The following CAMSAP1 variants were observed in gnomAD, a reference collection of about 807,000 sequenced individuals.
The protein encoded by CAMSAP1 is calmodulin regulated spectrin associated protein 1, also known as calmodulin-regulated spectrin-associated protein 1.
Under a neutral mutation model 143.5 loss-of-function variants are expected in CAMSAP1, and 58 were observed. The observed-to-expected ratio is 0.40, with a 90% confidence interval of 0.33 to 0.50. CAMSAP1 has a LOEUF of 0.50. Among genes scored for constraint, CAMSAP1 ranks in the 20% least tolerant of loss-of-function variants. The pLI is 0.45. For synonymous variants in CAMSAP1, 945 were observed against 859.3 expected, an observed-to-expected ratio of 1.10 and a Z score of -1.74; for missense variants, 1,969 against 2,115.7, an observed-to-expected ratio of 0.93 and a Z score of 1.36.
At chr9:135,877,135 T>G (rs1254982385) in intron 3 of CAMSAP1, among the ~76,000 whole-genome samples, 1 of 152,126 alleles carries the variant, frequency 6.6e-6, no homozygotes, top group Non-Finnish European at 1.5e-5. Context: ...CCATGGTATA[T>G]GCACACGATG....
intron 5 of CAMSAP1, among the ~76,000 whole-genome samples, chr9:135,850,884 C>T (rs965343851): frequency 1.3e-5 from 2 of 152,222 alleles, no homozygotes; most frequent in African/African-American, 4.8e-5. Flanking sequence ...ATGAATAAAA[C>T]GTAAAGCATC....
Position 135,818,340 on chromosome 9 carries a change from A to G in CAMSAP1, c.4168+68T>C. ...CACTCTTGATGACAAAATTGAAATG[A>G]GCTGAAGAACGTGAGGCCGCCGCCC... is the stretch of plus-strand genomic sequence containing the variant. On this transcript the variant is annotated intron_variant, in intron 13 of 16. Coordinates refer to ENST00000389532, the MANE Select transcript of CAMSAP1 (RefSeq NM_015447.4). This position sits in a 1 kb window ranked among gnomAD's most constrained non-coding sequence, Gnocchi z 7.7. 6.8e-7 allele frequency: 1 copy of G among 1,461,648 alleles called. No homozygotes were observed. The highest frequency in any genetic ancestry group is 9.1e-7 in the Non-Finnish European group (1 of 1,092,984). 90.5% of individuals were successfully genotyped at this position (1,461,648 alleles called of 1,614,324 possible).
chr9:135,871,026 T>C (rs984287873), intron 3 of CAMSAP1, among the ~76,000 whole-genome samples: 1 of 152,218 alleles, frequency 6.6e-6, no homozygotes, highest in Admixed American at 6.5e-5. Context: ...CTATCCCCTC[T>C]TCCAATTATA....
At chr9:135,859,438 G>A (rs1837096585) in intron 5 of CAMSAP1, among the ~76,000 whole-genome samples, 1 of 152,126 alleles carries the variant, frequency 6.6e-6, no homozygotes, top group Non-Finnish European at 1.5e-5. Context: ...TGTCACCCAG[G>A]CTGGAGTGCA....
In CAMSAP1 at chr9:135,821,162, C is replaced by A; in HGVS notation, c.3499G>T (p.Asp1167Tyr). 6.2e-7 allele frequency: 1 copy of A among 1,611,634 alleles called. No individual in the cohort carries two copies. Among genetic ancestry groups the A allele is most frequent in the Non-Finnish European group, 8.5e-7 (1 of 1,179,888 alleles). The stretch of plus-strand genomic sequence containing the variant: ...CTTTCATCATGGAGCCTGTAACTGT[C>A]GAAGAGACACTTCCCATGTGGGTCA... ...SGDPHGKCLF[D>Y]SYRLHDESNQ... Residue 1167 changes from aspartate (D) to tyrosine (Y), a missense_variant, in exon 11 of 17, where the codon GAC becomes TAC. By Grantham distance (160) the Asp-to-Tyr change is radical. Coordinates refer to ENST00000389532, the MANE Select transcript of CAMSAP1 (RefSeq NM_015447.4). The surrounding 1 kb of genome is among the most constrained non-coding windows in gnomAD (Gnocchi z 4.6).
intron 5 of CAMSAP1, among the ~76,000 whole-genome samples, chr9:135,853,834 A>G (rs1276785665): frequency 6.6e-6 from 1 of 152,242 alleles, no homozygotes; most frequent in Non-Finnish European, 1.5e-5. Flanking sequence ...CACCTGCCAC[A>G]GGTGGGGTCA....
intron 5 of CAMSAP1, among the ~76,000 whole-genome samples, chr9:135,854,821 G>C (rs73559442): frequency 0.015 from 2,303 of 152,168 alleles, 54 homozygotes; most frequent in African/African-American, 0.052. Context: ...TGTTACATAG[G>C]TAACCTCATG....
intron 5 of CAMSAP1, among the ~76,000 whole-genome samples, chr9:135,853,048 T>C (rs948868597): frequency 1.3e-5 from 2 of 152,178 alleles, no homozygotes; most frequent in Non-Finnish European, 2.9e-5. Flanking sequence ...TAATGCATTC[T>C]AAAGCAAAAA....
intron 1 of CAMSAP1, among the ~76,000 whole-genome samples, chr9:135,899,782 G>A (rs1035450874): frequency 6.6e-6 from 1 of 151,950 alleles, no homozygotes; most frequent in Non-Finnish European, 1.5e-5. Context: ...ACCTCCATCT[G>A]ATTCTCACAC....
intron 3 of CAMSAP1, among the ~76,000 whole-genome samples, chr9:135,876,953 G>A (rs1454123570): frequency 2.0e-5 from 3 of 152,180 alleles, no homozygotes; most frequent in East Asian, 1.9e-4. Flanking sequence ...AGGTTGCAGT[G>A]AGCCGAGACC....
intron 14 of CAMSAP1, 109 bp downstream of exon 14, chr9:135,817,868 C>G: frequency 1.2e-6 from 1 of 825,848 alleles, no homozygotes; most frequent in Non-Finnish European, 1.9e-6. Context: ...GAAATTATAT[C>G]AAAATTAAAG....
intron 1 of CAMSAP1, among the ~76,000 whole-genome samples, chr9:135,892,869 A>AAAAAAAAAAAAAAAAAAAAAAAAAAC (rs1838330658): frequency 6.9e-6 from 1 of 145,066 alleles, no homozygotes; most frequent in Non-Finnish European, 1.5e-5. Flanking sequence ...AAAAAAAAAG[A>AAAAAAAAAAAAAAAAAAAAAAAAAAC]ACTAATCAGA....
At chr9:135,823,524 A>G (rs957828032) in intron 10 of CAMSAP1, among the ~76,000 whole-genome samples, 2 of 152,222 alleles carry the variant, frequency 1.3e-5, no homozygotes, top group Admixed American at 6.5e-5. Context: ...TATCAGTATT[A>G]ATCTCTATTT....
chr9:135,874,866 T>C (rs1837687319), intron 3 of CAMSAP1, among the ~76,000 whole-genome samples: 1 of 152,214 alleles, frequency 6.6e-6, no homozygotes, highest in African/African-American at 2.4e-5. Context: ...TTCTACGGAC[T>C]AGTAACAAAC....
At chr9:135,900,689 C>T (rs111538876) in intron 1 of CAMSAP1, among the ~76,000 whole-genome samples, 2,751 of 151,354 alleles carry the variant, frequency 0.018, 90 homozygotes, top group African/African-American at 0.064. Context: ...AGCGAGATTC[C>T]GTCTCAAAAA....
chr9:135,827,642 C>CG, intron 7 of CAMSAP1, 58 bp from the exon 8 acceptor site: 1 of 1,414,718 alleles, frequency 7.1e-7, no homozygotes, highest in Non-Finnish European at 9.4e-7. Context: ...GCACAGAAAA[C>CG]CTAACCTGCA....
rs746837183 is a variant in CAMSAP1 at position 135,824,761 on chromosome 9, G to A, written c.1315+28C>T. On this transcript the variant is annotated intron_variant, in intron 9 of 16. Transcript: ENST00000389532. This position sits in a 1 kb window ranked among gnomAD's most constrained non-coding sequence, Gnocchi z 4.1. ...CTAATCTATAGTAAGGAGAAATTAA[G>A]GAAAAAAGGAGGAAACAACATTCTT... The A allele has an allele frequency of 7.0e-7, 1 of 1,426,772 alleles. No homozygotes were observed. Among genetic ancestry groups the A allele is most frequent in the South Asian group, 1.3e-5 (1 of 75,026 alleles). The allele number at this position is 1,426,772 out of a possible 1,614,324, so 88.4% of individuals were successfully genotyped here.
chr9:135,823,904 T>C (rs917802130), intron 10 of CAMSAP1, 46 bp downstream of exon 10: 61 of 1,456,540 alleles, frequency 4.2e-5, no homozygotes, highest in Non-Finnish European at 5.4e-5. Flanking sequence ...TGCTGTTTAG[T>C]ATAAAAAACA....
At chr9:135,866,886 A>G (rs1005945093) in intron 3 of CAMSAP1, among the ~76,000 whole-genome samples, 3 of 152,218 alleles carry the variant, frequency 2.0e-5, no homozygotes, top group African/African-American at 7.2e-5. Context: ...AATGCCACTT[A>G]CAAAACAATC....
Sources: gnomAD v4.1 joint callset for allele counts (sites outside exome capture counted in the v4.1 genomes callset) on GRCh38, gnomAD v4.1.1 for gene constraint, Gnocchi (gnomAD v3.1) non-coding constraint, MANE v1.5 for transcripts, NCBI Gene and HGNC (gene_info 2026-07-23, HGNC 2026-07-21) for gene names.